The following SACS variants were observed in gnomAD, a reference collection of about 807,000 sequenced individuals.
SACS encodes sacsin molecular chaperone, also known as sacsin.
Under a neutral mutation model 348.0 loss-of-function variants are expected in SACS, and 197 were observed. The observed-to-expected ratio is 0.57, with a 90% CI of 0.50 to 0.64. The LOEUF is 0.64. SACS is among the 30% of genes least tolerant of loss of function. The probability of loss-of-function intolerance (pLI) is 0.00; values close to 1 mark genes in which losing one functional copy is unlikely to be tolerated. For synonymous variants in SACS, 1,985 were observed against 1,910.6 expected (o/e 1.04, Z -1.02); for missense variants, 4,999 against 5,360.8 (o/e 0.93, Z 2.11).
chr13:23,407,237 T>C (rs1429756492), intron 2 of SACS, among the ~76,000 whole-genome samples: 1 of 152,212 alleles, frequency 6.6e-6, no homozygotes, highest in African/African-American at 2.4e-5. Flanking sequence ...CTTGCTCTGT[T>C]GTCCAGGCTG....
chr13:23,402,775 A>C (rs2137933555), intron 2 of SACS, among the ~76,000 whole-genome samples: 1 of 152,352 alleles, frequency 6.6e-6, no homozygotes, highest in Non-Finnish European at 1.5e-5. Flanking sequence ...TGGCAGGCCC[A>C]GGAACCTTAG....
chr13:23,427,312 G>A (rs1874229036), intron 1 of SACS: 1 of 152,196 alleles, frequency 6.6e-6, no homozygotes. Flanking sequence ...TGCTTCAGGG[G>A]TCAAAACAAT....
At position 23,335,957 on chromosome 13, in the gene SACS, G is replaced by A; in HGVS notation, c.7919C>T (p.Ser2640Phe). ...YHITDCPSFISGNDILCIFDP... is the reference protein window; with the variant it reads ...YHITDCPSFIFGNDILCIFDP... ...AAAAATACACAGGATGTCATTGCCA[G>A]AAATAAAAGATGGGCAGTCTGTGAT... The change falls in exon 10 of 10, where the codon TCT becomes TTT. Residue 2640 changes from serine (S) to phenylalanine (F), a missense_variant. By Grantham distance (155) the Ser-to-Phe change is radical (BLOSUM62 -2). Around this residue, in one of 6 missense-constraint regions of SACS, gnomAD observed 3,156 missense variants for 3,380.1 expected, o/e 0.93. Coordinates refer to ENST00000382292, the MANE Select transcript of SACS (RefSeq NM_014363.6). This position sits in a 1 kb window ranked among gnomAD's most constrained non-coding sequence, Gnocchi z 4.7. 6.2e-7 allele frequency: 1 copy of A among 1,612,554 alleles called. No individual in the cohort carries two copies. Among genetic ancestry groups the A allele is most frequent in the South Asian group, 1.1e-5 (1 of 91,048 alleles).
Position 23,334,418 on chromosome 13 carries a change from A to G in SACS, c.9458T>C (p.Leu3153Ser). 1 of 1,612,898 alleles carries G rather than the reference A, an allele frequency of 6.2e-7. No individual in the cohort carries two copies. Among genetic ancestry groups the G allele is most frequent in the Non-Finnish European group, 8.5e-7 (1 of 1,179,736 alleles). The part of the protein sequence containing the change: ...AEENEIEVEG[L>S]PLLITLDSVL... ...ACTGTCCAGTGTGATGAGAAGGGGC[A>G]ATCCCTCAACTTCAATCTCATTTTC... is the stretch of plus-strand genomic sequence containing the variant. Residue 3153 changes from leucine to serine, a missense_variant, in exon 10 of 10, where the codon TTG becomes TCG. Leu to Ser is a moderately radical substitution (Grantham distance 145, BLOSUM62 -2). Transcript: ENST00000382292.
chr13:23,398,330 C>T (rs953505868), intron 2 of SACS, among the ~76,000 whole-genome samples: 1 of 151,794 alleles, frequency 6.6e-6, no homozygotes, highest in Non-Finnish European at 1.5e-5. Context: ...GTCAGGAGTT[C>T]GAGACCAGCC....
chr13:23,369,549 T>C (rs1345275664), intron 4 of SACS, among the ~76,000 whole-genome samples: 1 of 143,346 alleles, frequency 7.0e-6, no homozygotes, highest in African/African-American at 2.5e-5. Flanking sequence ...CCACCCATTC[T>C]TTTTTTTTTT....
At chr13:23,360,787 C>T (rs1327431441) in intron 6 of SACS, among the ~76,000 whole-genome samples, 2 of 144,362 alleles carry the variant, frequency 1.4e-5, no homozygotes, top group Non-Finnish European at 3.0e-5. Context: ...CAATGTTTCA[C>T]TCTTGTTGCC....
At chr13:23,411,179 C>CCAATG in intron 2 of SACS, 41 bp downstream of exon 2, 1 of 1,555,754 alleles carries the variant, frequency 6.4e-7, no homozygotes, top group Non-Finnish European at 8.9e-7. Flanking sequence ...TCTTAAAATC[C>CCAATG]CAATGCAAAT....
At chr13:23,375,039 C>G (rs1445598722) in intron 3 of SACS, 80 bp downstream of exon 3, 5 of 1,307,442 alleles carry the variant, frequency 3.8e-6, no homozygotes, top group East Asian at 3.2e-5. Context: ...CGGAAACCTG[C>G]GTCGCCCACC....
At chr13:23,373,738 T>G (rs1463623652) in intron 3 of SACS, 2 of 140,790 alleles carry the variant, frequency 1.4e-5, no homozygotes, top group East Asian at 4.2e-4. Flanking sequence ...AAGCGGAGGT[T>G]GCAGTGAGCC....
At chr13:23,353,641 G>C (rs1870115222) in intron 9 of SACS, 144 bp downstream of exon 9, 1 of 603,188 alleles carries the variant, frequency 1.7e-6, no homozygotes, top group South Asian at 2.3e-5. Flanking sequence ...TCTGGCAACT[G>C]AAATATCTTA....
At position 23,402,076 on chromosome 13, in the gene SACS, A is replaced by G. The variant is rs111948716; in HGVS notation, c.20+9144T>C. 8.7e-3 allele frequency among the ~76,000 whole-genome samples: 1,329 copies of G among 152,010 alleles called. 17 individuals carry two copies. Among genetic ancestry groups the G allele is most frequent in the African/African-American group, 0.03 (1,261 of 41,464 alleles). ...GCCTGTAGTCCCAGCTACTCGGGAGACTGAGGCAGGAGAATGGCATGAACC... is the reference window on the plus strand; with the variant it reads ...GCCTGTAGTCCCAGCTACTCGGGAGGCTGAGGCAGGAGAATGGCATGAACC... On this transcript the variant is annotated intron_variant, in intron 2 of 9. Coordinates refer to ENST00000382292, the MANE Select transcript of SACS (RefSeq NM_014363.6).
At chr13:23,431,031 A>G (rs985092978) in intron 1 of SACS, among the ~76,000 whole-genome samples, 2 of 152,166 alleles carry the variant, frequency 1.3e-5, no homozygotes, top group Admixed American at 6.5e-5. Flanking sequence ...TCCTTTTACT[A>G]ATAAGAAATA....
intron 1 of SACS, among the ~76,000 whole-genome samples, chr13:23,426,521 T>A (rs572511208): frequency 6.6e-6 from 1 of 151,668 alleles, no homozygotes; most frequent in Non-Finnish European, 1.5e-5. Flanking sequence ...GTGCCTGTAA[T>A]CCCAGCTACT....
Position 23,334,193 on chromosome 13 carries a change from G to A in SACS, c.9683C>T (p.Thr3228Ile), listed in dbSNP as rs1390201803. 2 of 1,613,746 alleles carry A rather than the reference G, an allele frequency of 1.2e-6. No individual in the cohort carries two copies. Among genetic ancestry groups the A allele is most frequent in the South Asian group, 1.1e-5 (1 of 91,070 alleles). The change falls in exon 10 of 10, where the codon ACC (threonine) becomes ATC (isoleucine). Residue 3228 changes from threonine (T) to isoleucine (I), a missense_variant. Coordinates refer to ENST00000382292, the MANE Select transcript of SACS (RefSeq NM_014363.6). ...LSSVLPREYK[T>I]KSCTKWKDNF... ...GTCTTTCCACTTTGTGCAACTTTTG[G>A]TCTTATATTCTCGAGGCAACACAGA...
At chr13:23,398,534 CAAAA>C (rs59868515) in intron 2 of SACS, among the ~76,000 whole-genome samples, 1 of 102,208 alleles carries the variant, frequency 9.8e-6, no homozygotes, top group African/African-American at 4.2e-5. Flanking sequence ...AACTCCGTCT[CAAAA>C]AAAAAAAAAA....
At position 23,341,430 on chromosome 13, in the gene SACS, C is replaced by G; in HGVS notation, c.2446G>C (p.Glu816Gln). Residue 816 changes from glutamate to glutamine, a missense_variant, in exon 10 of 10, where the codon GAA becomes CAA. Coordinates refer to ENST00000382292, the MANE Select transcript of SACS (RefSeq NM_014363.6). ...GATGGAATCCTGAGTCTAATGAGTTCCACACATGTCTGACCTTCCTCTAGT... is the reference window on the plus strand; with the variant it reads ...GATGGAATCCTGAGTCTAATGAGTTGCACACATGTCTGACCTTCCTCTAGT... ...TILEEGQTCV[E>Q]LIRLRIPSLV... 1 of 1,613,994 alleles carries G rather than the reference C, an allele frequency of 6.2e-7. No individual in the cohort carries two copies. Among genetic ancestry groups the G allele is most frequent in the Non-Finnish European group, 8.5e-7 (1 of 1,179,982 alleles).
chr13:23,412,572 C>G (rs1207807760), intron 1 of SACS, among the ~76,000 whole-genome samples: 2 of 151,986 alleles, frequency 1.3e-5, no homozygotes, highest in Non-Finnish European at 2.9e-5. Flanking sequence ...TGCCCTCACA[C>G]TCAGCTAGTT....
chr13:23,387,467 A>AG (rs202229660), intron 2 of SACS, among the ~76,000 whole-genome samples: 12,543 of 149,418 alleles, frequency 0.084, 689 homozygotes, highest in East Asian at 0.13. Context: ...GTCTCAGAAA[A>AG]AAAAAAAAAA....
Sources: allele counts gnomAD v4.1 joint callset (sites outside exome capture counted in the v4.1 genomes callset), GRCh38; gene constraint gnomAD v4.1.1; regional missense constraint gnomAD v4.1.1; non-coding constraint Gnocchi (gnomAD v3.1); transcripts MANE v1.5; gene names NCBI Gene and HGNC (gene_info 2026-07-23, HGNC 2026-07-21).